FGD3: variants seen among roughly 807,000 people sequenced by gnomAD.
FGD3 encodes the protein FYVE, RhoGEF and PH domain-containing protein 3.
FGD3 carries 45 observed loss-of-function variants against 71.8 expected under a neutral mutation model. The observed-to-expected ratio is 0.63, with a 90% CI of 0.49 to 0.80. The LOEUF (loss-of-function observed/expected upper bound fraction) is 0.80, where lower values mean the gene tolerates loss of function less well. Among genes scored for constraint, FGD3 ranks in the 30% least tolerant of loss-of-function variants. FGD3 has a pLI of 0.00. For missense variants in FGD3, 844 were observed against 951.5 expected, an observed-to-expected ratio of 0.89 and a Z score of 1.49; for synonymous variants, 378 against 392.8, an observed-to-expected ratio of 0.96 and a Z score of 0.44.
At chr9:92,997,260 G>A (rs577366536) in intron 3 of FGD3, among the ~76,000 whole-genome samples, 2 of 152,232 alleles carry the variant, frequency 1.3e-5, no homozygotes, top group African/African-American at 4.8e-5. Context: ...GATCTTTGTT[G>A]GTTTAAAGAC....
chr9:92,980,414 T>C (rs1859943004), intron 3 of FGD3, among the ~76,000 whole-genome samples: 3 of 152,170 alleles, frequency 2.0e-5, no homozygotes. Context: ...CCTATTGTCT[T>C]TCTATTCTCT....
chr9:93,008,042 G>T (rs758965244), intron 6 of FGD3, among the ~76,000 whole-genome samples: 1 of 152,150 alleles, frequency 6.6e-6, no homozygotes, highest in Non-Finnish European at 1.5e-5. Flanking sequence ...TATTTTAAAC[G>T]TTAAACTTTT....
intron 3 of FGD3, among the ~76,000 whole-genome samples, chr9:92,987,248 C>T (rs140146466): frequency 3.3e-5 from 5 of 151,886 alleles, no homozygotes; most frequent in Admixed American, 2.0e-4. Flanking sequence ...CTGGCTAACA[C>T]GGTAAAACCC....
In FGD3 at chr9:92,995,936, C is replaced by G. The variant is rs538225747; in HGVS notation, c.454-6989C>G. 2.2e-4 allele frequency among the ~76,000 whole-genome samples: 34 copies of G among 151,202 alleles called. No homozygotes were observed. The South Asian group carries it at 7.1e-3, about 32-fold the overall frequency. On this transcript the variant is annotated intron_variant, in intron 3 of 17. Transcript: ENST00000375482. ...ATCAGGGATATTGGTCTAAAATTCT[C>G]TTTTTTTTTGTTGTGTCTCTGCCAG...
At position 92,981,107 on chromosome 9, in the gene FGD3, G is replaced by A. The variant is rs1253044281; in HGVS notation, c.453+4398G>A. Among the ~76,000 whole-genome samples the A allele has an allele frequency of 5.3e-5, 8 of 151,554 alleles. No homozygotes were observed. The East Asian group carries it at 1.2e-3, about 22-fold the overall frequency. ...GTTTGGGCCAGGCATGGTGGCTCAC[G>A]CCTGTAATCCCAGCACTTTGGGAGG... On this transcript the variant is annotated intron_variant, in intron 3 of 17. Transcript: ENST00000375482.
chr9:93,005,168 G>A (rs976869505), intron 5 of FGD3, among the ~76,000 whole-genome samples: 2 of 152,088 alleles, frequency 1.3e-5, no homozygotes, highest in African/African-American at 4.8e-5. Context: ...TGTTGCCCAG[G>A]CTGGAGTGCA....
intron 1 of FGD3, among the ~76,000 whole-genome samples, chr9:92,967,272 G>A (rs1205680069): frequency 6.6e-6 from 1 of 151,938 alleles, no homozygotes. Context: ...CTCCTTCATC[G>A]TTTTTAAGTG....
Position 93,003,933 on chromosome 9 carries a change from G to T in FGD3, c.544-68G>T, listed in dbSNP as rs1338417396. On this transcript the variant is annotated intron_variant, in intron 4 of 17. Coordinates refer to ENST00000375482, the MANE Select transcript of FGD3 (RefSeq NM_001083536.2). The surrounding 1 kb of genome is among the most constrained non-coding windows in gnomAD (Gnocchi z 4.1). ...CTCCCGAGCGCCCTCACCTGTGGCC[G>T]AAGCGGGGCGGCAACTGTGCTCAGT... 4 of 1,591,718 alleles carry T rather than the reference G, an allele frequency of 2.5e-6. No homozygotes were observed. The highest frequency in any genetic ancestry group is 2.6e-6 in the Non-Finnish European group (3 of 1,165,036).
In FGD3 at chr9:93,020,480, G is replaced by C. The variant is rs551049098; in HGVS notation, c.1494+56G>C. ...CTCCAGGGGACGGGCTACCTGTGGA[G>C]AGCAGAAGGCACTGGCGTCTGGGTG... On this transcript the variant is annotated intron_variant, in intron 13 of 17. Transcript: ENST00000375482. 2.9e-5 allele frequency: 43 copies of C among 1,491,978 alleles called. 1 individual carries two copies. In the East Asian group the frequency reaches 8.7e-4, roughly 30 times the overall value. 92.4% of individuals were successfully genotyped at this position (1,491,978 alleles called of 1,614,324 possible). A position where few individuals can be genotyped will look rare whatever the true frequency, so the allele number is the denominator to read the frequency against.
intron 1 of FGD3, among the ~76,000 whole-genome samples, chr9:92,959,352 A>G (rs929046547): frequency 6.6e-6 from 1 of 152,028 alleles, no homozygotes; most frequent in Admixed American, 6.6e-5. Flanking sequence ...TACTATAGTA[A>G]GTCTTGAAAT....
At chr9:93,018,082 G>A in intron 10 of FGD3, 54 bp from the exon 11 acceptor site, 1 of 1,523,004 alleles carries the variant, frequency 6.6e-7, no homozygotes, top group Non-Finnish European at 9.1e-7. Context: ...ACATGAGGCT[G>A]GAGCTAAAAT....
intron 8 of FGD3, 50 bp downstream of exon 8, chr9:93,011,322 A>G (rs776817594): frequency 3.7e-6 from 6 of 1,609,140 alleles, no homozygotes; most frequent in Non-Finnish European, 4.3e-6. Flanking sequence ...AGCAAGAGTG[A>G]GGGCCAGGGG....
intron 3 of FGD3, among the ~76,000 whole-genome samples, chr9:92,978,468 G>T (rs1318104061): frequency 7.6e-6 from 1 of 131,320 alleles, no homozygotes; most frequent in Non-Finnish European, 1.5e-5. Flanking sequence ...GATTGGACAA[G>T]AGACTGATTA....
chr9:92,956,030 T>C (rs1468483005), intron 1 of FGD3, among the ~76,000 whole-genome samples: 1 of 152,214 alleles, frequency 6.6e-6, no homozygotes, highest in Non-Finnish European at 1.5e-5. Context: ...TGTCTGCATG[T>C]TCATTGCCAG....
chr9:92,975,903 A>C (rs1374430292), intron 2 of FGD3, among the ~76,000 whole-genome samples: 1 of 152,190 alleles, frequency 6.6e-6, no homozygotes, highest in Non-Finnish European at 1.5e-5. Flanking sequence ...CACTACCTTG[A>C]GCATCTATTT....
chr9:93,004,962 C>T (rs781574841), intron 5 of FGD3, among the ~76,000 whole-genome samples: 17 of 152,168 alleles, frequency 1.1e-4, no homozygotes, highest in Admixed American at 7.2e-4. Flanking sequence ...CCGAGGCAGT[C>T]AGGACTGGAT....
intron 13 of FGD3, among the ~76,000 whole-genome samples, chr9:93,022,081 G>A (rs1403746415): frequency 6.6e-6 from 1 of 152,176 alleles, no homozygotes; most frequent in Non-Finnish European, 1.5e-5. Context: ...CCAGAGGGAG[G>A]CATCACCCAC....
chr9:93,035,607 C>T lies in FGD3; in HGVS notation c.*18C>T. On this transcript the variant is annotated 3_prime_UTR_variant, in exon 18 of 18. Transcript: ENST00000375482. ...CTCCGTGAGCTGAGTCTCCCACTGC[C>T]CTGCACACCACCACATTGGACCTGT... 1 of 1,570,098 alleles carries T rather than the reference C, an allele frequency of 6.4e-7. No individual in the cohort carries two copies. Among genetic ancestry groups the T allele is most frequent in the Non-Finnish European group, 8.6e-7 (1 of 1,161,058 alleles).
intron 5 of FGD3, 51 bp from the exon 6 acceptor site, chr9:93,005,973 G>A (rs771089013): frequency 6.5e-7 from 1 of 1,539,618 alleles, no homozygotes; most frequent in Non-Finnish European, 8.8e-7. Context: ...ACTAACCTCA[G>A]AGTCCCCATT....
Sources: gnomAD v4.1 joint callset for allele counts (sites outside exome capture counted in the v4.1 genomes callset) on GRCh38, gnomAD v4.1.1 for gene constraint, Gnocchi (gnomAD v3.1) non-coding constraint, MANE v1.5 for transcripts, NCBI Gene and HGNC (gene_info 2026-07-23, HGNC 2026-07-21) for gene names.